The following COL25A1 variants were observed in gnomAD, a reference collection of about 807,000 sequenced individuals.
COL25A1 encodes the protein collagen alpha-1(XXV) chain.
A neutral mutation model predicts 128.4 loss-of-function variants in COL25A1; 103 were observed. The ratio of observed to expected loss-of-function variants is 0.80; its 90% CI spans 0.68 to 0.94. The LOEUF is 0.94. Among genes scored for constraint, COL25A1 ranks in the 40% least tolerant of loss-of-function variants. The pLI, the probability that COL25A1 is intolerant of heterozygous loss-of-function variation, is 0.00. For missense variants in COL25A1, 745 were observed against 840.0 expected, an observed-to-expected ratio of 0.89 and a Z score of 1.40; for synonymous variants, 279 against 277.2, an observed-to-expected ratio of 1.01 and a Z score of -0.06.
intron 35 of COL25A1, chr4:108,823,808 C>T: frequency 1.3e-6 from 1 of 745,000 alleles, no homozygotes; most frequent in Non-Finnish European, 1.8e-6. Context: ...GCTGCCTTTG[C>T]AGGGTTCAAT....
chr4:109,177,564 T>C (rs538615154), intron 3 of COL25A1, among the ~76,000 whole-genome samples: 312 of 152,226 alleles, frequency 2.0e-3, no homozygotes, highest in Non-Finnish European at 3.5e-3. Flanking sequence ...GTGGGCACCA[T>C]CTGCTATCAA....
At chr4:108,953,126 A>G (rs964400021) in intron 8 of COL25A1, among the ~76,000 whole-genome samples, 7 of 152,172 alleles carry the variant, frequency 4.6e-5, no homozygotes, top group Admixed American at 4.6e-4. Flanking sequence ...TTTAGCCCAC[A>G]GCAAATGCCT....
intron 6 of COL25A1, among the ~76,000 whole-genome samples, chr4:109,007,276 A>G (rs1756112398): frequency 6.6e-6 from 1 of 152,252 alleles, no homozygotes; most frequent in African/African-American, 2.4e-5. Context: ...TTTTAAAAAT[A>G]TCAGAGAAAA....
intron 6 of COL25A1, among the ~76,000 whole-genome samples, chr4:108,984,004 G>A (rs1351533770): frequency 1.3e-5 from 2 of 152,254 alleles, no homozygotes; most frequent in African/African-American, 2.4e-5. Context: ...CCTGCTGATT[G>A]GTAGAGCGGA....
intron 5 of COL25A1, among the ~76,000 whole-genome samples, chr4:109,031,482 G>A (rs1193957070): frequency 2.6e-5 from 4 of 152,006 alleles, no homozygotes; most frequent in African/African-American, 4.8e-5. Flanking sequence ...TTTCTGTAGC[G>A]AGACCAAATA....
At chr4:108,975,225 C>T (rs371290339) in intron 6 of COL25A1, among the ~76,000 whole-genome samples, 2 of 152,178 alleles carry the variant, frequency 1.3e-5, no homozygotes, top group African/African-American at 2.4e-5. Flanking sequence ...GAGGCCAAAG[C>T]GGGTGGATCA....
At chr4:108,855,195 T>TTTTG (rs756480450) in intron 24 of COL25A1, among the ~76,000 whole-genome samples, 4 of 147,582 alleles carry the variant, frequency 2.7e-5, no homozygotes, top group African/African-American at 7.4e-5. Flanking sequence ...GTTACTGTTT[T>TTTTG]TTTTTTTTAT....
intron 3 of COL25A1, among the ~76,000 whole-genome samples, chr4:109,091,505 A>T (rs1474562430): frequency 6.6e-6 from 1 of 152,092 alleles, no homozygotes; most frequent in Non-Finnish European, 1.5e-5. Flanking sequence ...TTTTCATCCA[A>T]ATCGTCTCTG....
chr4:109,067,316 T>C (rs1443875646), intron 3 of COL25A1, among the ~76,000 whole-genome samples: 1 of 152,206 alleles, frequency 6.6e-6, no homozygotes, highest in Non-Finnish European at 1.5e-5. Flanking sequence ...ACTTATATTC[T>C]TCAAATACCC....
intron 3 of COL25A1, among the ~76,000 whole-genome samples, chr4:109,277,291 CAG>C (rs1443615617): frequency 2.6e-5 from 4 of 152,056 alleles, no homozygotes; most frequent in African/African-American, 9.7e-5. Context: ...TTTAACCAAA[CAG>C]AGAGAAACTT....
chr4:109,231,148 T>TAAA (rs1262440713), intron 3 of COL25A1, among the ~76,000 whole-genome samples: 1 of 151,490 alleles, frequency 6.6e-6, no homozygotes, highest in African/African-American at 2.4e-5. Flanking sequence ...CTCAAAAAAA[T>TAAA]AAAAAAATAA....
intron 3 of COL25A1, among the ~76,000 whole-genome samples, chr4:109,219,899 A>T (rs2126208092): frequency 6.6e-6 from 1 of 152,298 alleles, no homozygotes; most frequent in Admixed American, 6.5e-5. Context: ...ATAGTTGTAC[A>T]TTTTTATCTC....
chr4:108,860,134 C>T (rs374744788), intron 23 of COL25A1, among the ~76,000 whole-genome samples: 10 of 152,106 alleles, frequency 6.6e-5, no homozygotes, highest in East Asian at 3.9e-4. Flanking sequence ...TTTTTTGAGA[C>T]GGAGTCTCAC....
intron 32 of COL25A1, among the ~76,000 whole-genome samples, chr4:108,829,385 GTGTA>G (rs1732785515): frequency 8.7e-6 from 1 of 114,940 alleles, no homozygotes; most frequent in African/African-American, 3.4e-5. Flanking sequence ...ATGTGTAAGT[GTGTA>G]TCTATCTATC....
At chr4:109,015,516 C>A (rs1757131929) in intron 5 of COL25A1, among the ~76,000 whole-genome samples, 1 of 152,076 alleles carries the variant, frequency 6.6e-6, no homozygotes, top group Non-Finnish European at 1.5e-5. Context: ...CCAAGTGAAA[C>A]AGTTAAGTCA....
chr4:108,904,205 G>A (rs368739155), intron 13 of COL25A1, among the ~76,000 whole-genome samples: 7 of 152,186 alleles, frequency 4.6e-5, no homozygotes, highest in Admixed American at 2.6e-4. Context: ...TTTACTATAC[G>A]TTCTACTCTG....
chr4:108,999,970 G>A (rs1755186894), intron 6 of COL25A1, among the ~76,000 whole-genome samples: 1 of 152,124 alleles, frequency 6.6e-6, no homozygotes, highest in Non-Finnish European at 1.5e-5. Flanking sequence ...CTGTTGTGGG[G>A]TGGGGGCCTG....
At chr4:108,869,403 G>A (rs1738424534) in intron 19 of COL25A1, among the ~76,000 whole-genome samples, 2 of 152,082 alleles carry the variant, frequency 1.3e-5, no homozygotes, top group Admixed American at 1.3e-4. Context: ...TCAATCCTGA[G>A]TCGGGGGGAG....
At chr4:108,849,943 C>T (rs965523188) in intron 26 of COL25A1, among the ~76,000 whole-genome samples, 1 of 152,056 alleles carries the variant, frequency 6.6e-6, no homozygotes, top group Non-Finnish European at 1.5e-5. Flanking sequence ...GCAAGAAAAG[C>T]GGCGGGGGAA....
Sources: allele counts gnomAD v4.1 joint callset (sites outside exome capture counted in the v4.1 genomes callset), GRCh38; gene constraint gnomAD v4.1.1; transcripts MANE v1.5; gene names NCBI Gene and HGNC (gene_info 2026-07-23, HGNC 2026-07-21).